The following CSMD1 variants were observed in gnomAD, a reference collection of about 807,000 sequenced individuals.
The protein encoded by CSMD1 is CUB and sushi domain-containing protein 1.
CSMD1 carries 213 observed loss-of-function variants against 417.5 expected under a neutral mutation model. The ratio of observed to expected loss-of-function variants is 0.51; its 90% confidence interval spans 0.46 to 0.57. The LOEUF (loss-of-function observed/expected upper bound fraction) is 0.57. Among genes scored for constraint, CSMD1 ranks in the 20% least tolerant of loss-of-function variants. CSMD1 has a pLI of 0.00. For missense variants in CSMD1, 6,923 were observed against 4,529.7 expected, an observed-to-expected ratio of 1.53 and a Z score of -15.17; for synonymous variants, 2,862 against 1,736.8, an observed-to-expected ratio of 1.65 and a Z score of -16.11.
At chr8:3,992,444 G>A (rs543352361) in intron 5 of CSMD1, among the ~76,000 whole-genome samples, 2 of 152,268 alleles carry the variant, frequency 1.3e-5, no homozygotes, top group East Asian at 3.9e-4. Context: ...GAGGTGCATA[G>A]CTTACAACAG....
intron 26 of CSMD1, among the ~76,000 whole-genome samples, chr8:3,258,659 C>G (rs769709942): frequency 6.6e-6 from 1 of 152,154 alleles, no homozygotes; most frequent in Admixed American, 6.5e-5. Flanking sequence ...CAGTGCAGCA[C>G]TATTCACCAC....
intron 5 of CSMD1, among the ~76,000 whole-genome samples, chr8:3,996,147 A>T (rs1367739588): frequency 6.6e-6 from 1 of 152,008 alleles, no homozygotes; most frequent in Non-Finnish European, 1.5e-5. Flanking sequence ...GCCACTGATC[A>T]TAGGTTCTAG....
At chr8:4,438,148 C>G (rs1798253196) in intron 2 of CSMD1, among the ~76,000 whole-genome samples, 1 of 152,160 alleles carries the variant, frequency 6.6e-6, no homozygotes, top group Non-Finnish European at 1.5e-5. Flanking sequence ...GAGTGTGCTT[C>G]CTGATTTAGA....
At chr8:3,307,637 C>T in intron 25 of CSMD1, 58 bp downstream of exon 25, 2 of 1,548,470 alleles carry the variant, frequency 1.3e-6, no homozygotes, top group East Asian at 4.5e-5. Context: ...ATCTCTGCTA[C>T]AAGAATAGAA....
intron 11 of CSMD1, among the ~76,000 whole-genome samples, chr8:3,469,478 G>A (rs1423322535): frequency 6.6e-6 from 1 of 152,180 alleles, no homozygotes. Flanking sequence ...TTTCAATGAA[G>A]CATTCATTGT....
chr8:4,310,426 A>T (rs1401128937), intron 3 of CSMD1, among the ~76,000 whole-genome samples: 3 of 152,222 alleles, frequency 2.0e-5, no homozygotes, highest in Non-Finnish European at 4.4e-5. Flanking sequence ...GGTATTCAAC[A>T]AAGATAAATT....
At chr8:4,522,176 T>A (rs1178701948) in intron 2 of CSMD1, among the ~76,000 whole-genome samples, 3 of 152,100 alleles carry the variant, frequency 2.0e-5, no homozygotes, top group Non-Finnish European at 4.4e-5. Flanking sequence ...TGATAGTGAA[T>A]GAGTCTCGTG....
chr8:4,253,635 C>T (rs1268806524), intron 3 of CSMD1, among the ~76,000 whole-genome samples: 1 of 152,110 alleles, frequency 6.6e-6, no homozygotes, highest in East Asian at 1.9e-4. Context: ...AGGGAAGGGG[C>T]CAGATCTACT....
chr8:3,044,584 T>C (rs990792710), intron 50 of CSMD1, among the ~76,000 whole-genome samples: 5 of 151,992 alleles, frequency 3.3e-5, no homozygotes, highest in African/African-American at 7.3e-5. Context: ...GTCATTAGCA[T>C]GAATCGTGTC....
At chr8:4,607,417 C>T (rs1800935789) in intron 2 of CSMD1, among the ~76,000 whole-genome samples, 1 of 152,110 alleles carries the variant, frequency 6.6e-6, no homozygotes, top group African/African-American at 2.4e-5. Flanking sequence ...GCAACAACTT[C>T]ACGTGACTAA....
intron 1 of CSMD1, among the ~76,000 whole-genome samples, chr8:4,693,590 T>C (rs1208971091): frequency 6.6e-6 from 1 of 152,254 alleles, no homozygotes; most frequent in African/African-American, 2.4e-5. Context: ...GGCAGAGTGG[T>C]ATTGAGGTAA....
chr8:4,092,394 G>A (rs1188185334), intron 3 of CSMD1, among the ~76,000 whole-genome samples: 1 of 152,096 alleles, frequency 6.6e-6, no homozygotes, highest in Non-Finnish European at 1.5e-5. Flanking sequence ...TCCACCGTAA[G>A]GCAATGAACT....
At chr8:4,647,081 T>C (rs1563366051) in intron 1 of CSMD1, among the ~76,000 whole-genome samples, 1 of 152,036 alleles carries the variant, frequency 6.6e-6, no homozygotes, top group African/African-American at 2.4e-5. Context: ...TCTTAAGGGG[T>C]GTTTTATAAG....
At chr8:3,069,505 T>A (rs1460840441) in intron 49 of CSMD1, among the ~76,000 whole-genome samples, 1 of 151,748 alleles carries the variant, frequency 6.6e-6, no homozygotes, top group African/African-American at 2.4e-5. Flanking sequence ...AGCAGGGCAG[T>A]CAGTAAATCT....
At chr8:3,940,521 G>T (rs192742997) in intron 5 of CSMD1, among the ~76,000 whole-genome samples, 1 of 149,014 alleles carries the variant, frequency 6.7e-6, no homozygotes, top group East Asian at 2.4e-4. Flanking sequence ...GTGTGTGTGT[G>T]TGTGTGTGTG....
chr8:4,660,470 T>G (rs1047352376), intron 1 of CSMD1, among the ~76,000 whole-genome samples: 2 of 152,142 alleles, frequency 1.3e-5, no homozygotes, highest in African/African-American at 4.8e-5. Flanking sequence ...ACAGGTTTAT[T>G]GCAATTCCAT....
chr8:4,718,342 C>G (rs562321395), intron 1 of CSMD1, among the ~76,000 whole-genome samples: 1 of 152,102 alleles, frequency 6.6e-6, no homozygotes, highest in Non-Finnish European at 1.5e-5. Context: ...TCAATTATCA[C>G]TATTGGTAAA....
rs181438309 is a variant in CSMD1 at position 3,829,795 on chromosome 8, T to C, written c.819-75753A>G. Among the ~76,000 whole-genome samples, 504 of 152,296 alleles carry C rather than the reference T, an allele frequency of 3.3e-3. 7 individuals are homozygous for C. Among genetic ancestry groups the C allele is most frequent in the Non-Finnish European group, 5.9e-3 (400 of 68,024 alleles). On this transcript the variant is annotated intron_variant, in intron 5 of 69. Transcript: ENST00000635120. Reference sequence around the variant, plus strand: ...CAAGACAGGAATATTGAATGAGGTTTTCCAACACTTCTTTGGCCACTGAAT... The same window carrying C: ...CAAGACAGGAATATTGAATGAGGTTCTCCAACACTTCTTTGGCCACTGAAT...
chr8:3,565,259 T>G (rs1799656110), intron 10 of CSMD1, among the ~76,000 whole-genome samples: 1 of 147,600 alleles, frequency 6.8e-6, no homozygotes, highest in African/African-American at 2.5e-5. Flanking sequence ...CAAGATGAAC[T>G]AAGGGATCTG....
Sources: gnomAD v4.1 joint callset for allele counts (sites outside exome capture counted in the v4.1 genomes callset) on GRCh38, gnomAD v4.1.1 for gene constraint, MANE v1.5 for transcripts, NCBI Gene and HGNC (gene_info 2026-07-23, HGNC 2026-07-21) for gene names.